Variants in SKI observed in about 807,000 individuals in gnomAD.
The protein encoded by SKI is ski oncogene.
Under a neutral mutation model 59.3 loss-of-function variants are expected in SKI, and 23 were observed. The ratio of observed to expected loss-of-function variants is 0.39; its 90% CI spans 0.28 to 0.55. SKI has a LOEUF of 0.55. SKI is among the 20% of genes least tolerant of loss of function. The probability of loss-of-function intolerance (pLI) is 0.67; values close to 1 mark genes in which losing one functional copy is unlikely to be tolerated. For synonymous variants in SKI, 673 were observed against 488.6 expected, an observed-to-expected ratio of 1.38 and a Z score of -4.98; for missense variants, 1,017 against 1,038.9, an observed-to-expected ratio of 0.98 and a Z score of 0.29.
At chr1:2,288,163 A>G (rs557556422) in intron 1 of SKI, among the ~76,000 whole-genome samples, 1 of 151,744 alleles carries the variant, frequency 6.6e-6, no homozygotes. Flanking sequence ...TAATTTTTGT[A>G]TTTAGTAGAG....
In SKI at chr1:2,270,239, T is replaced by C. The variant is rs996507518; in HGVS notation, c.970-32739T>C. On this transcript the variant is annotated intron_variant, in intron 1 of 6. Transcript: ENST00000378536. The surrounding 1 kb of genome is among the most constrained non-coding windows in gnomAD (Gnocchi z 4.1). ...GGCAGGTGGGCCCACTGGCTGGCGC[T>C]GCGTCTGGGTTCGGTCCTGGACCTG... 6.6e-6 allele frequency among the ~76,000 whole-genome samples: 1 copy of C among 152,218 alleles called. No homozygotes were observed. The highest frequency in any genetic ancestry group is 2.4e-5 in the African/African-American group (1 of 41,462).
chr1:2,257,126 T>C (rs988057160), intron 1 of SKI, among the ~76,000 whole-genome samples: 3 of 152,212 alleles, frequency 2.0e-5, no homozygotes, highest in Non-Finnish European at 4.4e-5. Context: ...CTAAGATATC[T>C]ATCTCTTTGT....
chr1:2,276,862 GT>G (rs557512480), intron 1 of SKI, among the ~76,000 whole-genome samples: 69 of 152,310 alleles, frequency 4.5e-4, no homozygotes, highest in Non-Finnish European at 8.7e-4. Flanking sequence ...CTCTGTTGAG[GT>G]TTTTCTCTTT....
chr1:2,290,197 A>T (rs903922), intron 1 of SKI, among the ~76,000 whole-genome samples: 78,549 of 151,382 alleles, frequency 0.52, 22,041 homozygotes, highest in African/African-American at 0.75. Flanking sequence ...TGCCCCCGGC[A>T]GAGCCTTTGC....
intron 5 of SKI, among the ~76,000 whole-genome samples, chr1:2,305,580 G>C (rs1351058911): frequency 6.6e-6 from 1 of 152,136 alleles, no homozygotes. Context: ...AATGGGGAGA[G>C]TGGGGGGGCT....
intron 1 of SKI, among the ~76,000 whole-genome samples, chr1:2,264,972 G>A (rs1639469507): frequency 6.6e-6 from 1 of 152,030 alleles, no homozygotes; most frequent in African/African-American, 2.4e-5. Flanking sequence ...CACCACGCCT[G>A]GCTAATTTTT....
chr1:2,271,456 A>C (rs1639617361), intron 1 of SKI, among the ~76,000 whole-genome samples: 1 of 152,096 alleles, frequency 6.6e-6, no homozygotes, highest in Non-Finnish European at 1.5e-5. Flanking sequence ...AAGAAGACTC[A>C]TTCAATGTCC....
chr1:2,299,498 G>A (rs536591524), intron 1 of SKI, among the ~76,000 whole-genome samples: 6 of 152,320 alleles, frequency 3.9e-5, no homozygotes, highest in African/African-American at 9.6e-5. Context: ...TCTGGATTCA[G>A]TGCCCTCCGC....
At chr1:2,284,794 G>A (rs374085519) in intron 1 of SKI, among the ~76,000 whole-genome samples, 3 of 152,148 alleles carry the variant, frequency 2.0e-5, no homozygotes, top group Non-Finnish European at 4.4e-5. Context: ...AGGTGGACAC[G>A]GGGGCCCACC....
rs1363765332 is a variant in SKI at position 2,268,747 on chromosome 1, C to A, written c.970-34231C>A. The stretch of plus-strand genomic sequence containing the variant: ...GCTGTAGGTGCAGTCCAGGGAGAGG[C>A]CATGACAGGAGTGGGTGTGGGGACT... On this transcript the variant is annotated intron_variant, in intron 1 of 6. Coordinates refer to ENST00000378536, the MANE Select transcript of SKI (RefSeq NM_003036.4). This position sits in a 1 kb window ranked among gnomAD's most constrained non-coding sequence, Gnocchi z 5.0. Among the ~76,000 whole-genome samples, 4 of 152,182 alleles carry A rather than the reference C, an allele frequency of 2.6e-5. No homozygotes were observed. Among genetic ancestry groups the A allele is most frequent in the Non-Finnish European group, 5.9e-5 (4 of 68,024 alleles).
intron 1 of SKI, among the ~76,000 whole-genome samples, chr1:2,280,677 C>T (rs1426092987): frequency 1.8e-4 from 11 of 59,622 alleles, no homozygotes; most frequent in African/African-American, 2.8e-4. Flanking sequence ...GCGGCGGCGG[C>T]GATCTTCAGA....
At chr1:2,306,510 G>C (rs773839211) in intron 6 of SKI, 67 bp from the exon 7 acceptor site, 2 of 1,476,016 alleles carry the variant, frequency 1.4e-6, no homozygotes. Context: ...GCCTCGGGTG[G>C]GGGAAGCAGC....
chr1:2,231,097 C>T (rs1638627923), intron 1 of SKI, among the ~76,000 whole-genome samples: 1 of 152,160 alleles, frequency 6.6e-6, no homozygotes, highest in Admixed American at 6.5e-5. Flanking sequence ...ACGTAGCAGG[C>T]TGGGGCCCTT....
intron 1 of SKI, among the ~76,000 whole-genome samples, chr1:2,286,614 C>A (rs141507709): frequency 1.5e-3 from 234 of 152,378 alleles, no homozygotes; most frequent in African/African-American, 5.5e-3. Context: ...TTTATTCTTA[C>A]CACATCAGGG....
chr1:2,287,338 A>ATT (rs56295904), intron 1 of SKI, among the ~76,000 whole-genome samples: 51,270 of 140,016 alleles, frequency 0.37, 10,175 homozygotes, highest in African/African-American at 0.5. Flanking sequence ...GAAATATCCA[A>ATT]TTTTTTTTTT....
At chr1:2,295,669 G>A (rs905259428) in intron 1 of SKI, among the ~76,000 whole-genome samples, 2 of 152,018 alleles carry the variant, frequency 1.3e-5, no homozygotes, top group Non-Finnish European at 2.9e-5. Context: ...AGAGCCATGC[G>A]TGACTGTGTC....
chr1:2,240,664 G>C, intron 1 of SKI: 1 of 985,398 alleles, frequency 1.0e-6, no homozygotes, highest in South Asian at 4.7e-5. Flanking sequence ...GGAATTCTTC[G>C]AAGTGAAGCT....
At chr1:2,248,673 C>T (rs1465083407) in intron 1 of SKI, among the ~76,000 whole-genome samples, 1 of 152,222 alleles carries the variant, frequency 6.6e-6, no homozygotes, top group African/African-American at 2.4e-5. Context: ...TTTCCTTTGC[C>T]CACAGTGAAG....
rs1638584429 is a variant in SKI at position 2,229,585 on chromosome 1, C to T, written c.819C>T (p.His273=). ...AGGCCCTGGAGAACCGGACCTGCCA[C>T]TGGGGCTTCGACTCGGCCAACTGGC... ...SHKALENRTC[H]WGFDSANWRA... Residue 273 remains histidine (H), a synonymous_variant, in exon 1 of 7, where the codon CAC becomes CAT. Coordinates refer to ENST00000378536, the MANE Select transcript of SKI (RefSeq NM_003036.4). This position sits in a 1 kb window ranked among gnomAD's most constrained non-coding sequence, Gnocchi z 6.3. 3 of 1,612,428 alleles carry T rather than the reference C, an allele frequency of 1.9e-6. No homozygotes were observed. The highest frequency in any genetic ancestry group is 1.6e-4 in the Middle Eastern group (1 of 6,062).
Sources: gnomAD v4.1 joint callset for allele counts (sites outside exome capture counted in the v4.1 genomes callset) on GRCh38, gnomAD v4.1.1 for gene constraint, Gnocchi (gnomAD v3.1) non-coding constraint, MANE v1.5 for transcripts, NCBI Gene and HGNC (gene_info 2026-07-23, HGNC 2026-07-21) for gene names.